Variants in PDE7B observed in about 807,000 individuals in gnomAD.
The protein encoded by PDE7B is phosphodiesterase 7B, also known as 3',5'-cyclic-AMP phosphodiesterase 7B.
Under a neutral mutation model 56.2 loss-of-function variants are expected in PDE7B, and 29 were observed. That is an observed-to-expected ratio of 0.52 (90% CI 0.38 to 0.70). PDE7B has a LOEUF of 0.70. PDE7B is among the 30% of genes least tolerant of loss of function. The probability of loss-of-function intolerance (pLI) is 0.00; values close to 1 mark genes in which losing one functional copy is unlikely to be tolerated. For missense variants in PDE7B, 490 were observed against 565.0 expected, an observed-to-expected ratio of 0.87 and a Z score of 1.35; for synonymous variants, 197 against 196.9, an observed-to-expected ratio of 1.00 and a Z score of 0.00.
At chr6:136,013,261 A>G (rs1312022988) in intron 2 of PDE7B, among the ~76,000 whole-genome samples, 2 of 152,218 alleles carry the variant, frequency 1.3e-5, no homozygotes, top group Non-Finnish European at 2.9e-5. Flanking sequence ...CTAAATCAAA[A>G]TTTCCTCATA....
chr6:136,171,318 G>A (rs1382136407), intron 8 of PDE7B, among the ~76,000 whole-genome samples: 2 of 152,146 alleles, frequency 1.3e-5, no homozygotes, highest in Non-Finnish European at 2.9e-5. Context: ...AAATGCCAAG[G>A]TGCTGGTCAC....
At chr6:136,145,097 C>T (rs768784754) in intron 3 of PDE7B, among the ~76,000 whole-genome samples, 7 of 152,000 alleles carry the variant, frequency 4.6e-5, no homozygotes, top group Non-Finnish European at 1.0e-4. Flanking sequence ...ATTACCATAT[C>T]GGCTGCAAAA....
chr6:135,953,603 T>C (rs1339543151), intron 2 of PDE7B, among the ~76,000 whole-genome samples: 1 of 152,178 alleles, frequency 6.6e-6, no homozygotes, highest in Admixed American at 6.6e-5. Flanking sequence ...TTTTTATTAA[T>C]ACTCAATTTT....
At chr6:135,879,739 A>G (rs1775570628) in intron 1 of PDE7B, among the ~76,000 whole-genome samples, 1 of 152,146 alleles carries the variant, frequency 6.6e-6, no homozygotes, top group African/African-American at 2.4e-5. Flanking sequence ...TGAAGACCAG[A>G]CAAAACAATG....
chr6:135,981,165 T>A (rs1775287294), intron 2 of PDE7B, among the ~76,000 whole-genome samples: 1 of 151,744 alleles, frequency 6.6e-6, no homozygotes, highest in Admixed American at 6.6e-5. Flanking sequence ...ATCATCATTC[T>A]CAGTAAACTA....
intron 2 of PDE7B, among the ~76,000 whole-genome samples, chr6:135,987,170 G>A (rs1008911560): frequency 2.6e-5 from 4 of 152,196 alleles, no homozygotes; most frequent in Non-Finnish European, 4.4e-5. Context: ...TGCAGTAGAT[G>A]ACACGCCTTG....
At chr6:135,915,917 T>C (rs1184866879) in intron 1 of PDE7B, among the ~76,000 whole-genome samples, 1 of 152,244 alleles carries the variant, frequency 6.6e-6, no homozygotes, top group East Asian at 1.9e-4. Context: ...AGCTTCCCTT[T>C]GGATGGATGA....
intron 1 of PDE7B, among the ~76,000 whole-genome samples, chr6:135,941,750 T>C (rs1459134104): frequency 6.6e-6 from 1 of 152,240 alleles, no homozygotes; most frequent in Admixed American, 6.5e-5. Context: ...ATTACCTACT[T>C]GCAGAAAACT....
chr6:135,884,778 G>T (rs980824970), intron 1 of PDE7B, among the ~76,000 whole-genome samples: 1 of 151,924 alleles, frequency 6.6e-6, no homozygotes, highest in South Asian at 2.1e-4. Flanking sequence ...TGCTCTTTTC[G>T]TGATCCCTGA....
chr6:136,002,967 CA>C (rs1279835953), intron 2 of PDE7B, among the ~76,000 whole-genome samples: 3 of 151,916 alleles, frequency 2.0e-5, no homozygotes, highest in African/African-American at 7.3e-5. Flanking sequence ...CTCTCCTCAG[CA>C]AATGTAAAAG....
chr6:135,907,667 A>G lies in PDE7B; in HGVS notation c.22-39797A>G, dbSNP rs969956748. Among the ~76,000 whole-genome samples, 3 of 152,230 alleles carry G rather than the reference A, an allele frequency of 2.0e-5. No individual in the cohort carries two copies. The South Asian group carries it at 6.2e-4, about 32-fold the overall frequency. On this transcript the variant is annotated intron_variant, in intron 1 of 12. Coordinates refer to ENST00000308191, the MANE Select transcript of PDE7B (RefSeq NM_018945.4). Reference sequence around the variant, plus strand: ...CCTAGAAAAAGTAGTTAGACAATGTAATTTTAATTTACATTTACAGCTTAG... The same window carrying G: ...CCTAGAAAAAGTAGTTAGACAATGTGATTTTAATTTACATTTACAGCTTAG...
chr6:136,142,116 A>G (rs1043232313), intron 3 of PDE7B, among the ~76,000 whole-genome samples: 23 of 152,076 alleles, frequency 1.5e-4, no homozygotes, highest in Admixed American at 1.2e-3. Context: ...CCCTCTACAC[A>G]CTGCTTTGAC....
At chr6:135,917,055 G>A (rs1773965518) in intron 1 of PDE7B, among the ~76,000 whole-genome samples, 3 of 152,018 alleles carry the variant, frequency 2.0e-5, no homozygotes, top group African/African-American at 7.2e-5. Flanking sequence ...CTTCTTTGTA[G>A]TTTTCACTTA....
At chr6:136,137,817 C>T (rs1434419575) in intron 3 of PDE7B, among the ~76,000 whole-genome samples, 1 of 151,930 alleles carries the variant, frequency 6.6e-6, no homozygotes, top group African/African-American at 2.4e-5. Flanking sequence ...ATTACTGTAC[C>T]AGCAGTGCCA....
chr6:136,106,668 T>A (rs1220437773), intron 2 of PDE7B, among the ~76,000 whole-genome samples: 2 of 152,176 alleles, frequency 1.3e-5, no homozygotes, highest in Admixed American at 6.5e-5. Context: ...AGAATAAAGG[T>A]GTCTCTCCTC....
intron 2 of PDE7B, among the ~76,000 whole-genome samples, chr6:136,083,612 A>G (rs1198330556): frequency 6.6e-6 from 1 of 152,202 alleles, no homozygotes; most frequent in African/African-American, 2.4e-5. Flanking sequence ...CCTCCCCTGA[A>G]GTTGCAAACC....
intron 1 of PDE7B, among the ~76,000 whole-genome samples, chr6:135,853,433 C>T (rs1562410247): frequency 6.6e-6 from 1 of 152,230 alleles, no homozygotes; most frequent in East Asian, 1.9e-4. Context: ...GTGTTGCAAA[C>T]GCATAACTGC....
chr6:136,007,968 T>A (rs968812610), intron 2 of PDE7B, among the ~76,000 whole-genome samples: 1 of 151,992 alleles, frequency 6.6e-6, no homozygotes, highest in African/African-American at 2.4e-5. Context: ...TATCTCCTAA[T>A]GCTATCCCTC....
In PDE7B at chr6:136,107,705, G is replaced by A. The variant is rs116349974; in HGVS notation, c.83-1026G>A. ...TGCCAAGATCACACAAGTAGCAAGC[G>A]TCTGGGCCAGATTTCTCCAAGGCCT... On this transcript the variant is annotated intron_variant, in intron 2 of 12. Transcript: ENST00000308191. Among the ~76,000 whole-genome samples, 791 of 152,216 alleles carry A rather than the reference G, an allele frequency of 5.2e-3. 7 individuals are homozygous for A. Among genetic ancestry groups the A allele is most frequent in the African/African-American group, 0.018 (744 of 41,520 alleles).
Sources: allele counts gnomAD v4.1 joint callset (sites outside exome capture counted in the v4.1 genomes callset), GRCh38; gene constraint gnomAD v4.1.1; transcripts MANE v1.5; gene names NCBI Gene and HGNC (gene_info 2026-07-23, HGNC 2026-07-21).